The following TLN2 variants were observed in gnomAD, a reference collection of about 807,000 sequenced individuals.
The protein encoded by TLN2 is talin-2.
In TLN2, 118 loss-of-function variants were observed where a neutral mutation model predicts 294.7. The observed-to-expected ratio is 0.40, with a 90% CI of 0.34 to 0.47. The LOEUF is 0.47. Ranked by LOEUF, TLN2 falls within the 20% of genes least tolerant of loss-of-function variation. The pLI, the probability that TLN2 is intolerant of heterozygous loss-of-function variation, is 0.84. For missense variants in TLN2, 3,083 were observed against 3,282.2 expected (o/e 0.94, Z 1.48); for synonymous variants, 1,431 against 1,304.5 (o/e 1.10, Z -2.09).
intron 1 of TLN2, among the ~76,000 whole-genome samples, chr15:62,421,197 C>T (rs1025602769): frequency 2.6e-5 from 4 of 152,108 alleles, no homozygotes; most frequent in Non-Finnish European, 4.4e-5. Flanking sequence ...AATAGCATTC[C>T]GACCCTCAGT....
At chr15:62,652,815 AG>A (rs1285310159) in intron 6 of TLN2, among the ~76,000 whole-genome samples, 2 of 152,214 alleles carry the variant, frequency 1.3e-5, no homozygotes, top group East Asian at 1.9e-4. Context: ...GGAATTACTT[AG>A]CACTGGAGAT....
At chr15:62,581,356 T>C (rs532051243) in intron 1 of TLN2, among the ~76,000 whole-genome samples, 4 of 152,228 alleles carry the variant, frequency 2.6e-5, no homozygotes, top group Non-Finnish European at 2.9e-5. Flanking sequence ...CTGAATAGTA[T>C]TCTATTGTGT....
At chr15:62,814,135 G>A (rs2066899461) in intron 52 of TLN2, among the ~76,000 whole-genome samples, 1 of 152,092 alleles carries the variant, frequency 6.6e-6, no homozygotes, top group Non-Finnish European at 1.5e-5. Flanking sequence ...AGAGCATACA[G>A]TATAGACATA....
chr15:62,516,229 G>A (rs985073782), intron 1 of TLN2, among the ~76,000 whole-genome samples: 2 of 152,200 alleles, frequency 1.3e-5, no homozygotes, highest in Non-Finnish European at 2.9e-5. Flanking sequence ...AGTATGAAAA[G>A]AAGACAGTGT....
intron 9 of TLN2, among the ~76,000 whole-genome samples, chr15:62,669,366 T>C (rs537749047): frequency 6.6e-6 from 1 of 152,310 alleles, no homozygotes; most frequent in South Asian, 2.1e-4. Flanking sequence ...GAGAGGAGTC[T>C]GTTGGCTGCG....
intron 1 of TLN2, among the ~76,000 whole-genome samples, chr15:62,432,541 C>T (rs563024701): frequency 2.6e-5 from 4 of 152,254 alleles, no homozygotes; most frequent in East Asian, 1.9e-4. Context: ...AATTTTGGAT[C>T]GTACACAGGG....
At chr15:62,661,521 A>G (rs1288445681) in intron 9 of TLN2, among the ~76,000 whole-genome samples, 1 of 152,160 alleles carries the variant, frequency 6.6e-6, no homozygotes, top group Non-Finnish European at 1.5e-5. Context: ...TTAAAATAGG[A>G]GAAGTGCAGG....
At chr15:62,414,164 C>CAATATATATATATATATATA (rs1273620699) in intron 1 of TLN2, among the ~76,000 whole-genome samples, 1,025 of 90,526 alleles carry the variant, frequency 0.011, 68 homozygotes, top group East Asian at 0.019. Context: ...AAAAAAAAAA[C>CAATATATATATATATATATA]TATATATATA....
In TLN2 at chr15:62,752,343, C is replaced by G; in HGVS notation, c.4248C>G (p.Ala1416=). 6.2e-7 allele frequency: 1 copy of G among 1,614,058 alleles called. No individual in the cohort carries two copies. Among genetic ancestry groups the G allele is most frequent in the South Asian group, 1.1e-5 (1 of 91,056 alleles). ...CGATGGCAGGGATTTCACAGAATGCCAAGACCGGAGACCTCCCTGCCTTTG... is the reference window on the plus strand; with the variant it reads ...CGATGGCAGGGATTTCACAGAATGCGAAGACCGGAGACCTCCCTGCCTTTG... ...GESMAGISQN[A]KTGDLPAFGE... The change falls in exon 35 of 59, where the codon GCC becomes GCG. Residue 1416 remains alanine, a synonymous_variant. Coordinates refer to ENST00000636159, the MANE Select transcript of TLN2 (RefSeq NM_015059.3).
intron 41 of TLN2, among the ~76,000 whole-genome samples, chr15:62,767,467 G>A (rs189918332): frequency 2.5e-3 from 383 of 151,804 alleles, no homozygotes; most frequent in African/African-American, 8.8e-3. Flanking sequence ...TCAGCCTCCC[G>A]AGTAGCTGGG....
At chr15:62,541,691 T>C (rs2041698898) in intron 1 of TLN2, among the ~76,000 whole-genome samples, 1 of 152,038 alleles carries the variant, frequency 6.6e-6, no homozygotes, top group Non-Finnish European at 1.5e-5. Flanking sequence ...CTTTATACAG[T>C]GGGTAGCTTC....
intron 52 of TLN2, among the ~76,000 whole-genome samples, chr15:62,811,466 C>CT (rs1167820842): frequency 1.3e-5 from 2 of 152,192 alleles, no homozygotes. Flanking sequence ...CCAAAGACCT[C>CT]TTTTTCATTA....
chr15:62,812,452 T>C (rs2066764442), intron 52 of TLN2, among the ~76,000 whole-genome samples: 1 of 152,186 alleles, frequency 6.6e-6, no homozygotes, highest in African/African-American at 2.4e-5. Context: ...CAGCTTTATG[T>C]CTGACACGTA....
At chr15:62,820,897 A>G (rs1356370029) in intron 54 of TLN2, among the ~76,000 whole-genome samples, 4 of 152,194 alleles carry the variant, frequency 2.6e-5, no homozygotes, top group African/African-American at 4.8e-5. Flanking sequence ...CAGGTGTTGG[A>G]TGCTTTCTGT....
In TLN2 at chr15:62,771,839, C is replaced by T. The variant is rs576083552; in HGVS notation, c.5367+705C>T. 2.0e-5 allele frequency among the ~76,000 whole-genome samples: 3 copies of T among 152,296 alleles called. No individual in the cohort carries two copies. In the East Asian group the frequency reaches 5.8e-4, roughly 29 times the overall value. On this transcript the variant is annotated intron_variant, in intron 42 of 58. Coordinates refer to ENST00000636159, the MANE Select transcript of TLN2 (RefSeq NM_015059.3). ...CAGGTCTCTTCCACATTGCGGACTT[C>T]AGTCTTTATTGTAAGTAGTGGGGAG...
At chr15:62,502,192 G>T (rs982834573) in intron 1 of TLN2, among the ~76,000 whole-genome samples, 1 of 152,210 alleles carries the variant, frequency 6.6e-6, no homozygotes, top group Admixed American at 6.5e-5. Context: ...TTGACATGCT[G>T]CTGCTCCTTT....
chr15:62,816,687 C>T (rs1430901932), intron 52 of TLN2, among the ~76,000 whole-genome samples: 2 of 152,184 alleles, frequency 1.3e-5, no homozygotes, highest in African/African-American at 4.8e-5. Context: ...ATCATTCAGT[C>T]TTTTGCCATT....
intron 5 of TLN2, 121 bp from the exon 6 acceptor site, chr15:62,651,884 A>G (rs1220043844): frequency 1.0e-5 from 12 of 1,195,872 alleles, no homozygotes; most frequent in Non-Finnish European, 1.3e-5. Flanking sequence ...ATGTTTTAGA[A>G]GAAAGGGAAA....
At position 62,819,557 on chromosome 15, in the gene TLN2, C is replaced by T. The variant is rs761256527; in HGVS notation, c.6813C>T (p.Ala2271=). 1.1e-5 allele frequency: 17 copies of T among 1,613,816 alleles called. No individual in the cohort carries two copies. The highest frequency in any genetic ancestry group is 8.3e-5 in the Admixed American group (5 of 60,004). The change falls in exon 53 of 59, where the codon GCC becomes GCT. Residue 2271 remains alanine (A), a synonymous_variant. Coordinates refer to ENST00000636159, the MANE Select transcript of TLN2 (RefSeq NM_015059.3). ...KPTPEFKQQL[A]AFSKRVAGAV... ...CCCCAGAATTCAAGCAGCAGCTGGCCGCTTTCTCCAAGCGAGTCGCCGGCG... is the reference window on the plus strand; with the variant it reads ...CCCCAGAATTCAAGCAGCAGCTGGCTGCTTTCTCCAAGCGAGTCGCCGGCG...
Sources: gnomAD v4.1 joint callset for allele counts (sites outside exome capture counted in the v4.1 genomes callset) on GRCh38, gnomAD v4.1.1 for gene constraint, MANE v1.5 for transcripts, NCBI Gene and HGNC (gene_info 2026-07-23, HGNC 2026-07-21) for gene names.